The following ACAN variants were observed in gnomAD, a reference collection of about 807,000 sequenced individuals.
The protein encoded by ACAN is aggrecan.
In ACAN, 47 loss-of-function variants were observed where a neutral mutation model predicts 169.1. That is an observed-to-expected ratio of 0.28 (90% CI 0.22 to 0.35). ACAN has a LOEUF of 0.35. Ranked by LOEUF, ACAN falls within the 10% of genes least tolerant of loss-of-function variation. ACAN has a pLI of 1.00. For missense variants in ACAN, 2,716 were observed against 2,759.9 expected (o/e 0.98, Z 0.36); for synonymous variants, 1,115 against 1,112.2 (o/e 1.00, Z -0.05).
At position 88,856,898 on chromosome 15, in the gene ACAN, T is replaced by C; in HGVS notation, c.4313T>C (p.Leu1438Pro). ...EISGLPSGEV[L>P]ETTAPGVEEI... Reference sequence around the variant, plus strand: ...AGTGGGCTTCCTTCTGGAGAAGTTCTAGAGACTACTGCCCCTGGAGTAGAG... The same window carrying C: ...AGTGGGCTTCCTTCTGGAGAAGTTCCAGAGACTACTGCCCCTGGAGTAGAG... The change falls in exon 12 of 19, where the codon CTA (leucine) becomes CCA (proline). Residue 1438 changes from leucine to proline, a missense_variant. Around this residue, in one of 3 missense-constraint regions of ACAN, gnomAD observed 44 missense variants for 114.7 expected, o/e 0.38. Transcript: ENST00000560601. 1.3e-6 allele frequency: 2 copies of C among 1,592,924 alleles called. No individual in the cohort carries two copies. Among genetic ancestry groups the C allele is most frequent in the Non-Finnish European group, 1.7e-6 (2 of 1,165,136 alleles).
chr15:88,868,537 G>A lies in ACAN; in HGVS notation c.7060+208G>A, dbSNP rs551979481. On this transcript the variant is annotated intron_variant, in intron 14 of 18. Coordinates refer to ENST00000560601, the MANE Select transcript of ACAN (RefSeq NM_001369268.1). The surrounding 1 kb of genome is among the most constrained non-coding windows in gnomAD (Gnocchi z 5.2). ...TCCTCCTTGAAAACCCTTTTCTGGA[G>A]CACTGGCTGATCTGACTTTCTCCAG... Among the ~76,000 whole-genome samples the A allele has an allele frequency of 1.3e-5, 2 of 152,300 alleles. No individual in the cohort carries two copies. Among genetic ancestry groups the A allele is most frequent in the Non-Finnish European group, 2.9e-5 (2 of 68,040 alleles).
At chr15:88,852,488 C>T (rs1426714804) in intron 11 of ACAN, among the ~76,000 whole-genome samples, 9 of 152,150 alleles carry the variant, frequency 5.9e-5, no homozygotes, top group Non-Finnish European at 1.3e-4. Flanking sequence ...CTTCCATTTC[C>T]CTCTTCTGGG....
chr15:88,812,216 G>C (rs574036970), intron 1 of ACAN, among the ~76,000 whole-genome samples: 3 of 152,066 alleles, frequency 2.0e-5, no homozygotes, highest in African/African-American at 7.2e-5. Flanking sequence ...AGGGACTCCC[G>C]GGTTTGCACA....
intron 1 of ACAN, among the ~76,000 whole-genome samples, chr15:88,815,178 T>A (rs562410496): frequency 4.4e-4 from 67 of 152,158 alleles, no homozygotes; most frequent in African/African-American, 1.6e-3. Flanking sequence ...GCCCACGTTG[T>A]GTATCAGTGG....
In ACAN at chr15:88,868,826, G is replaced by C. The variant is rs764597335; in HGVS notation, c.7060+497G>C. Among the ~76,000 whole-genome samples the C allele has an allele frequency of 9.9e-5, 15 of 152,204 alleles. No individual in the cohort carries two copies. Among genetic ancestry groups the C allele is most frequent in the Non-Finnish European group, 1.3e-4 (9 of 68,044 alleles). Reference sequence around the variant, plus strand: ...GGCAAGAGCTGTGGTTGGTCTGCCTGAGATCTCCCGTGTCATCAGCATGCT... The same window carrying C: ...GGCAAGAGCTGTGGTTGGTCTGCCTCAGATCTCCCGTGTCATCAGCATGCT... On this transcript the variant is annotated intron_variant, in intron 14 of 18. Coordinates refer to ENST00000560601, the MANE Select transcript of ACAN (RefSeq NM_001369268.1). The surrounding 1 kb of genome is among the most constrained non-coding windows in gnomAD (Gnocchi z 5.2).
At chr15:88,844,422 G>A (rs369756241) in intron 6 of ACAN, among the ~76,000 whole-genome samples, 35 of 151,302 alleles carry the variant, frequency 2.3e-4, no homozygotes, top group African/African-American at 7.8e-4. Flanking sequence ...CACCCAGGCT[G>A]GAGTGCAGTG....
chr15:88,843,599 G>A lies in ACAN; in HGVS notation c.1002G>A (p.Gln334=). The A allele has an allele frequency of 6.2e-7, 1 of 1,603,418 alleles. No individual in the cohort carries two copies. The highest frequency in any genetic ancestry group is 8.5e-7 in the Non-Finnish European group (1 of 1,172,162). The stretch of plus-strand genomic sequence containing the variant: ...GGACCGTCTACGTGCATGCCAACCA[G>A]ACGGGCTACCCCGACCCCTCATCCC... The part of the protein sequence containing the change: ...GVRTVYVHAN[Q]TGYPDPSSRY... Residue 334 remains glutamine, a synonymous_variant, in exon 6 of 19, where the codon CAG becomes CAA. Transcript: ENST00000560601. This position sits in a 1 kb window ranked among gnomAD's most constrained non-coding sequence, Gnocchi z 4.0.
chr15:88,834,589 C>G (rs1896453614), intron 1 of ACAN, among the ~76,000 whole-genome samples: 1 of 152,226 alleles, frequency 6.6e-6, no homozygotes, highest in African/African-American at 2.4e-5. Flanking sequence ...CCAATCTTTT[C>G]TTTAGTCCCA....
At position 88,868,358 on chromosome 15, in the gene ACAN, T is replaced by G. The variant is rs2141631728; in HGVS notation, c.7060+29T>G. The G allele has an allele frequency of 2.9e-6, 2 of 700,694 alleles. No individual in the cohort carries two copies. The highest frequency in any genetic ancestry group is 5.4e-5 in the East Asian group (2 of 37,250). The allele number at this position is 700,694 out of a possible 1,614,324, so 43.4% of individuals were successfully genotyped here. ...CGGCCGTCTTGGCTTCAGCTAATGTTACTAACTGCTGCACCCCCTCCTCCT... is the reference window on the plus strand; with the variant it reads ...CGGCCGTCTTGGCTTCAGCTAATGTGACTAACTGCTGCACCCCCTCCTCCT... On this transcript the variant is annotated intron_variant, in intron 14 of 18. Transcript: ENST00000560601. The surrounding 1 kb of genome is among the most constrained non-coding windows in gnomAD (Gnocchi z 5.2).
At position 88,861,747 on chromosome 15, in the gene ACAN, G is replaced by C. The variant is rs1897198010; in HGVS notation, c.6946+1308G>C. ...CCCCTGATGGGTGACTCCACTCTTG[G>C]GAAATCCTTCTTAACCTGATACTTG... On this transcript the variant is annotated intron_variant, in intron 13 of 18. Coordinates refer to ENST00000560601, the MANE Select transcript of ACAN (RefSeq NM_001369268.1). The surrounding 1 kb of genome is among the most constrained non-coding windows in gnomAD (Gnocchi z 6.3). 6.6e-6 allele frequency among the ~76,000 whole-genome samples: 1 copy of C among 152,042 alleles called. No individual in the cohort carries two copies. The highest frequency in any genetic ancestry group is 1.9e-4 in the East Asian group (1 of 5,186).
chr15:88,860,158 G>A lies in ACAN; in HGVS notation c.6833-168G>A, dbSNP rs543342760. Among the ~76,000 whole-genome samples, 14 of 134,674 alleles carry A rather than the reference G, an allele frequency of 1.0e-4. No individual in the cohort carries two copies. In the South Asian group the frequency reaches 2.0e-3, roughly 20 times the overall value. 88.4% of individuals were successfully genotyped at this position (134,674 alleles called of 152,430 possible). A position where few individuals can be genotyped will look rare whatever the true frequency, so the allele number is the denominator to read the frequency against. On this transcript the variant is annotated intron_variant, in intron 12 of 18. Coordinates refer to ENST00000560601, the MANE Select transcript of ACAN (RefSeq NM_001369268.1). ...CTTTCACAGCTAGAGAGCTCCCCCC[G>A]ATGCTGTGGGCCAGGTGCCCAGGAG... is the stretch of plus-strand genomic sequence containing the variant.
rs1165285155 is a variant in ACAN at position 88,857,112 on chromosome 15, T to C, written c.4527T>C (p.Leu1509=). 1 of 1,606,706 alleles carries C rather than the reference T, an allele frequency of 6.2e-7. No homozygotes were observed. The highest frequency in any genetic ancestry group is 1.3e-5 in the African/African-American group (1 of 74,654). ...SASGIEDVSE[L]PSGEGLETSA... is the part of the protein sequence containing the mutation. ...CTGGAATAGAGGATGTCAGTGAACTTCCTTCAGGAGAAGGTCTAGAGACCT... is the reference window on the plus strand; with the variant it reads ...CTGGAATAGAGGATGTCAGTGAACTCCCTTCAGGAGAAGGTCTAGAGACCT... The change falls in exon 12 of 19, where the codon CTT becomes CTC. Residue 1509 remains leucine, a synonymous_variant. Coordinates refer to ENST00000560601, the MANE Select transcript of ACAN (RefSeq NM_001369268.1).
At chr15:88,865,808 T>A (rs181684464) in intron 13 of ACAN, among the ~76,000 whole-genome samples, 26 of 152,202 alleles carry the variant, frequency 1.7e-4, no homozygotes, top group African/African-American at 5.8e-4. Context: ...AGAACGGCCC[T>A]TCCAGCCAGA....
At position 88,874,667 on chromosome 15, in the gene ACAN, A is replaced by T; in HGVS notation, c.*186A>T. ...CACCCCTCCAAATCAGCAAAACCGC[A>T]TCTAATTTGTCCGCCGAATGCCAAA... On this transcript the variant is annotated 3_prime_UTR_variant, in exon 19 of 19. Transcript: ENST00000560601. This position sits in a 1 kb window ranked among gnomAD's most constrained non-coding sequence, Gnocchi z 7.3. 2 of 691,996 alleles carry T rather than the reference A, an allele frequency of 2.9e-6. No individual in the cohort carries two copies. Among genetic ancestry groups the T allele is most frequent in the Non-Finnish European group, 5.2e-6 (2 of 382,512 alleles). 42.9% of individuals were successfully genotyped at this position (691,996 alleles called of 1,614,324 possible).
intron 11 of ACAN, among the ~76,000 whole-genome samples, chr15:88,852,410 G>A (rs1896953110): frequency 6.6e-6 from 1 of 152,174 alleles, no homozygotes; most frequent in Non-Finnish European, 1.5e-5. Context: ...TCTAATAGAG[G>A]AGAAAGAATC....
Position 88,874,355 on chromosome 15 carries a change from C to T in ACAN, c.7631-50C>T, listed in dbSNP as rs1034776789. The T allele has an allele frequency of 2.6e-6, 4 of 1,518,952 alleles. No homozygotes were observed. In the African/African-American group the frequency reaches 5.5e-5, roughly 21 times the overall value. The allele number at this position is 1,518,952 out of a possible 1,614,324, so 94.1% of individuals were successfully genotyped here. Reference sequence around the variant, plus strand: ...GTCTGGGGAGAGCCTGGGCTCGCCCCACTTTCTTTCCAGGTCCACTGATAT... The same window carrying T: ...GTCTGGGGAGAGCCTGGGCTCGCCCTACTTTCTTTCCAGGTCCACTGATAT... On this transcript the variant is annotated intron_variant, in intron 18 of 18. Coordinates refer to ENST00000560601, the MANE Select transcript of ACAN (RefSeq NM_001369268.1). This position sits in a 1 kb window ranked among gnomAD's most constrained non-coding sequence, Gnocchi z 7.3.
Position 88,871,569 on chromosome 15 carries a change from A to C in ACAN, c.7219+29A>C. On this transcript the variant is annotated intron_variant, in intron 15 of 18. Coordinates refer to ENST00000560601, the MANE Select transcript of ACAN (RefSeq NM_001369268.1). The surrounding 1 kb of genome is among the most constrained non-coding windows in gnomAD (Gnocchi z 7.8). Reference sequence around the variant, plus strand: ...AGTGCGGCGGGGCCTCTGGAGCCTGAGAGGAGAGTGGCGGTGTAGGCAAAG... The same window carrying C: ...AGTGCGGCGGGGCCTCTGGAGCCTGCGAGGAGAGTGGCGGTGTAGGCAAAG... The C allele has an allele frequency of 1.9e-6, 3 of 1,593,880 alleles. No homozygotes were observed. Among genetic ancestry groups the C allele is most frequent in the Non-Finnish European group, 8.5e-7 (1 of 1,170,256 alleles).
In ACAN at chr15:88,872,541, T is replaced by C. The variant is rs1897405637; in HGVS notation, c.7303-340T>C. 6.6e-6 allele frequency among the ~76,000 whole-genome samples: 1 copy of C among 152,010 alleles called. No individual in the cohort carries two copies. The highest frequency in any genetic ancestry group is 2.1e-4 in the South Asian group (1 of 4,802). ...GGACTTAAGAGCTGTGTTCCTACCA[T>C]CCATCCCTACCCAATGTGGTCAGCC... On this transcript the variant is annotated intron_variant, in intron 16 of 18. Coordinates refer to ENST00000560601, the MANE Select transcript of ACAN (RefSeq NM_001369268.1). This position sits in a 1 kb window ranked among gnomAD's most constrained non-coding sequence, Gnocchi z 5.4.
chr15:88,849,666 A>G lies in ACAN; in HGVS notation c.1961A>G (p.Tyr654Cys). 1 of 1,613,614 alleles carries G rather than the reference A, an allele frequency of 6.2e-7. No individual in the cohort carries two copies. The highest frequency in any genetic ancestry group is 1.1e-5 in the South Asian group (1 of 91,070). The change falls in exon 10 of 19, where the codon TAC becomes TGC. Residue 654 changes from tyrosine to cysteine, a missense_variant. Physicochemically the swap from Tyr to Cys is radical, Grantham distance 194. Coordinates refer to ENST00000560601, the MANE Select transcript of ACAN (RefSeq NM_001369268.1). The surrounding 1 kb of genome is among the most constrained non-coding windows in gnomAD (Gnocchi z 5.1). Reference protein sequence around the residue: ...GGDKPGVRTVYLYPNQTGLPD... With the variant: ...GGDKPGVRTVCLYPNQTGLPD... ...GACAAGCCAGGCGTGAGAACGGTCT[A>G]CCTCTACCCTAACCAGACGGGCCTC...
Sources: gnomAD v4.1 joint callset for allele counts (sites outside exome capture counted in the v4.1 genomes callset) on GRCh38, gnomAD v4.1.1 for gene constraint, gnomAD v4.1.1 regional missense constraint, Gnocchi (gnomAD v3.1) non-coding constraint, MANE v1.5 for transcripts, NCBI Gene and HGNC (gene_info 2026-07-23, HGNC 2026-07-21) for gene names.